Variants in ACTL6A observed in about 807,000 individuals in gnomAD.
ACTL6A encodes the protein actin-like protein 6A.
A neutral mutation model predicts 59.2 loss-of-function variants in ACTL6A; 5 were observed. The observed-to-expected ratio is 0.08, with a 90% confidence interval of 0.04 to 0.18. The LOEUF (loss-of-function observed/expected upper bound fraction) is 0.18. ACTL6A is among the 10% of genes least tolerant of loss of function. The pLI is 1.00. For synonymous variants in ACTL6A, 154 were observed against 171.8 expected (o/e 0.90, Z 0.81); for missense variants, 285 against 526.9 (o/e 0.54, Z 4.49).
chr3:179,578,740 T>C (rs1718244549), intron 8 of ACTL6A, among the ~76,000 whole-genome samples: 1 of 152,258 alleles, frequency 6.6e-6, no homozygotes, highest in Admixed American at 6.5e-5. Context: ...TTCGCTTTTC[T>C]CTGCAGCCGT....
In ACTL6A at chr3:179,570,050, G is replaced by C. The variant is rs1560010136; in HGVS notation, c.103-17G>C. On this transcript the variant is annotated splice_polypyrimidine_tract_variant and intron_variant, in intron 2 of 13. Transcript: ENST00000429709. This position sits in a 1 kb window ranked among gnomAD's most constrained non-coding sequence, Gnocchi z 4.3. Reference sequence around the variant, plus strand: ...ATGAAAGGTGAAACTTGTATGTCATGTTTCTGACTCTTACAGGTGGATTTT... The same window carrying C: ...ATGAAAGGTGAAACTTGTATGTCATCTTTCTGACTCTTACAGGTGGATTTT... 1 of 1,609,692 alleles carries C rather than the reference G, an allele frequency of 6.2e-7. No individual in the cohort carries two copies. The highest frequency in any genetic ancestry group is 1.1e-5 in the South Asian group (1 of 90,326).
intron 8 of ACTL6A, among the ~76,000 whole-genome samples, chr3:179,579,775 C>T (rs1329762228): frequency 6.6e-6 from 1 of 152,076 alleles, no homozygotes; most frequent in Non-Finnish European, 1.5e-5. Flanking sequence ...ACGACAAGAG[C>T]AAGACTCTGT....
intron 12 of ACTL6A, chr3:179,584,418 G>A (rs1255508120): frequency 6.6e-6 from 1 of 152,144 alleles, no homozygotes; most frequent in Non-Finnish European, 1.5e-5. Flanking sequence ...TGAGGTCAGG[G>A]AGACCAGCCT....
At chr3:179,566,319 A>C (rs931478243) in intron 1 of ACTL6A, among the ~76,000 whole-genome samples, 21 of 152,230 alleles carry the variant, frequency 1.4e-4, no homozygotes, top group African/African-American at 5.1e-4. Flanking sequence ...ATTACCCAGG[A>C]AAGGGTAAAT....
At chr3:179,571,730 C>G (rs1157261816) in intron 3 of ACTL6A, among the ~76,000 whole-genome samples, 1 of 152,140 alleles carries the variant, frequency 6.6e-6, no homozygotes, top group Non-Finnish European at 1.5e-5. Flanking sequence ...GCTCAGTACC[C>G]AAGGATTTTA....
In ACTL6A at chr3:179,576,898, C is replaced by T. The variant is rs762808413; in HGVS notation, c.753C>T (p.His251=). 4 of 1,613,252 alleles carry T rather than the reference C, an allele frequency of 2.5e-6. No individual in the cohort carries two copies. The African/African-American group carries it at 4.0e-5, about 16-fold the overall frequency. The change falls in exon 8 of 14, where the codon CAC becomes CAT. Residue 251 remains histidine, a synonymous_variant. Transcript: ENST00000429709. ...EKLPQVTRSW[H]NYMCNCVIQD... is the part of the protein sequence containing the mutation. ...TGCCTCAGGTTACGAGGTCTTGGCACAATTATATGTGTAATGTAAGTAACC... is the reference window on the plus strand; with the variant it reads ...TGCCTCAGGTTACGAGGTCTTGGCATAATTATATGTGTAATGTAAGTAACC...
Position 179,586,552 on chromosome 3 carries a change from C to T in ACTL6A, c.1129C>T (p.Arg377Trp), listed in dbSNP as rs868064163. Residue 377 changes from arginine (R) to tryptophan (W), a missense_variant, in exon 13 of 14, where the codon CGG becomes TGG. Physicochemically the swap from Arg to Trp is moderately radical, Grantham distance 101 (BLOSUM62 -3). Coordinates refer to ENST00000429709, the MANE Select transcript of ACTL6A (RefSeq NM_004301.5). ...ELSQKTPPSM[R>W]LKLIANNTTV... is the part of the protein sequence containing the mutation. ...GCATATTCTTCTATTTCAGAGTATG[C>T]GGTTGAAATTGATTGCAAATAATAC... 5 of 1,581,764 alleles carry T rather than the reference C, an allele frequency of 3.2e-6. No individual in the cohort carries two copies. Among genetic ancestry groups the T allele is most frequent in the Admixed American group, 1.9e-5 (1 of 52,056 alleles).
intron 10 of ACTL6A, 65 bp from the exon 11 acceptor site, chr3:179,581,075 A>C: frequency 6.2e-7 from 1 of 1,600,298 alleles, no homozygotes; most frequent in Admixed American, 1.7e-5. Flanking sequence ...TGTGGCTAAA[A>C]TGTTTTGGAT....
intron 1 of ACTL6A, among the ~76,000 whole-genome samples, chr3:179,564,192 G>A (rs1717762331): frequency 6.6e-6 from 1 of 152,192 alleles, no homozygotes; most frequent in Non-Finnish European, 1.5e-5. Context: ...TATAATTCAT[G>A]TGTTGGGTTG....
chr3:179,584,008 C>G (rs1222176080), intron 12 of ACTL6A, among the ~76,000 whole-genome samples: 1 of 152,170 alleles, frequency 6.6e-6, no homozygotes, highest in Non-Finnish European at 1.5e-5. Flanking sequence ...GTGGGGAAAG[C>G]AATATGGCTA....
intron 8 of ACTL6A, among the ~76,000 whole-genome samples, chr3:179,578,258 C>G (rs1718229641): frequency 1.3e-5 from 2 of 152,136 alleles, no homozygotes; most frequent in South Asian, 4.1e-4. Flanking sequence ...AGTTGGAGAC[C>G]AGCCTGGCCA....
At chr3:179,584,735 A>C (rs1718435430) in intron 12 of ACTL6A, among the ~76,000 whole-genome samples, 1 of 152,136 alleles carries the variant, frequency 6.6e-6, no homozygotes, top group African/African-American at 2.4e-5. Flanking sequence ...CAGTAAGCCG[A>C]GATCATGCCA....
At chr3:179,582,795 A>G (rs1718374201) in intron 11 of ACTL6A, among the ~76,000 whole-genome samples, 1 of 152,256 alleles carries the variant, frequency 6.6e-6, no homozygotes, top group Non-Finnish European at 1.5e-5. Flanking sequence ...TCTAAGATAA[A>G]GTCATTATAA....
chr3:179,581,023 T>G lies in ACTL6A; in HGVS notation c.945+15T>G. 18 of 1,596,982 alleles carry G rather than the reference T, an allele frequency of 1.1e-5. No homozygotes were observed. Among genetic ancestry groups the G allele is most frequent in the Non-Finnish European group, 1.4e-5 (17 of 1,173,386 alleles). On this transcript the variant is annotated intron_variant, in intron 10 of 13. Coordinates refer to ENST00000429709, the MANE Select transcript of ACTL6A (RefSeq NM_004301.5). Reference sequence around the variant, plus strand: ...CCAATGTAAAGGTATAAAAGCTTATTTCATAATTAGCCTGGCTTTTCCTAT... The same window carrying G: ...CCAATGTAAAGGTATAAAAGCTTATGTCATAATTAGCCTGGCTTTTCCTAT...
At chr3:179,573,594 G>C (rs1397239199) in intron 4 of ACTL6A, 125 bp downstream of exon 4, 1 of 626,694 alleles carries the variant, frequency 1.6e-6, no homozygotes, top group African/African-American at 2.1e-5. Flanking sequence ...TTCATATTTT[G>C]AATTTGAAAA....
intron 2 of ACTL6A, 77 bp downstream of exon 2, chr3:179,569,977 A>G (rs1306273189): frequency 6.3e-7 from 1 of 1,578,866 alleles, no homozygotes; most frequent in Non-Finnish European, 8.6e-7. Context: ...TTCTGATTCA[A>G]AACAAAATAT....
At chr3:179,563,866 T>G (rs1717749462) in intron 1 of ACTL6A, among the ~76,000 whole-genome samples, 1 of 152,184 alleles carries the variant, frequency 6.6e-6, no homozygotes, top group African/African-American at 2.4e-5. Flanking sequence ...GTAGGAAGAT[T>G]ACCAGGTGCC....
At chr3:179,571,141 G>A (rs1227096304) in intron 3 of ACTL6A, among the ~76,000 whole-genome samples, 1 of 152,150 alleles carries the variant, frequency 6.6e-6, no homozygotes, top group Non-Finnish European at 1.5e-5. Flanking sequence ...GGTTGGCCAT[G>A]CGTGGTGGCT....
intron 8 of ACTL6A, among the ~76,000 whole-genome samples, chr3:179,579,455 T>TACACACACACACACACACACACACACAC (rs10650822): frequency 4.8e-5 from 7 of 145,054 alleles, no homozygotes; most frequent in African/African-American, 1.6e-4. Context: ...TTATATCATA[T>TACACACACACACACACACACACACACAC]ACACACACAC....
Sources: gnomAD v4.1 joint callset for allele counts (sites outside exome capture counted in the v4.1 genomes callset) on GRCh38, gnomAD v4.1.1 for gene constraint, Gnocchi (gnomAD v3.1) non-coding constraint, MANE v1.5 for transcripts, NCBI Gene and HGNC (gene_info 2026-07-23, HGNC 2026-07-21) for gene names.